The following LPIN2 variants were observed in gnomAD, a reference collection of about 807,000 sequenced individuals.
LPIN2 encodes the protein phosphatidate phosphatase LPIN2.
A neutral mutation model predicts 111.4 loss-of-function variants in LPIN2; 55 were observed. The ratio of observed to expected loss-of-function variants is 0.49; its 90% CI spans 0.40 to 0.62. The LOEUF (loss-of-function observed/expected upper bound fraction) is 0.62. Among genes scored for constraint, LPIN2 ranks in the 20% least tolerant of loss-of-function variants. The pLI is 0.00. For missense variants in LPIN2, 992 were observed against 1,112.1 expected, an observed-to-expected ratio of 0.89 and a Z score of 1.54; for synonymous variants, 425 against 414.0, an observed-to-expected ratio of 1.03 and a Z score of -0.32.
chr18:3,004,063 C>G (rs1048150065), intron 1 of LPIN2, among the ~76,000 whole-genome samples: 1 of 152,176 alleles, frequency 6.6e-6, no homozygotes. Flanking sequence ...ACAGTACCCT[C>G]AGGCTTACTA....
At chr18:3,001,659 C>CG (rs2078437364) in intron 1 of LPIN2, among the ~76,000 whole-genome samples, 1 of 151,932 alleles carries the variant, frequency 6.6e-6, no homozygotes, top group African/African-American at 2.4e-5. Context: ...AGCATGGAAT[C>CG]AAATCCCACA....
chr18:2,976,407 T>C (rs1177788190), intron 1 of LPIN2, among the ~76,000 whole-genome samples: 1 of 152,140 alleles, frequency 6.6e-6, no homozygotes, highest in Non-Finnish European at 1.5e-5. Flanking sequence ...GGTTGAAGGG[T>C]TTCTTATCAA....
Position 2,952,256 on chromosome 18 carries a change from G to A in LPIN2, c.289-900C>T, listed in dbSNP as rs144109018. On this transcript the variant is annotated intron_variant, in intron 3 of 19. Transcript: ENST00000677752. ...AGCCTGGCTAACATGGTGAAACCCT[G>A]TCTCTACTAAAAATACAAAATTAGC... Among the ~76,000 whole-genome samples the A allele has an allele frequency of 3.5e-3, 527 of 152,148 alleles. 3 individuals carry two copies. Among genetic ancestry groups the A allele is most frequent in the African/African-American group, 0.012 (505 of 41,528 alleles).
chr18:2,926,478 T>C (rs1315820558), intron 13 of LPIN2, among the ~76,000 whole-genome samples: 1 of 152,240 alleles, frequency 6.6e-6, no homozygotes, highest in Non-Finnish European at 1.5e-5. Context: ...GAAGCGTTCC[T>C]CACGGCCCCT....
In LPIN2 at chr18:2,921,513, A is replaced by C. The variant is rs761511706; in HGVS notation, c.2442+20T>G. The C allele has an allele frequency of 6.4e-7, 1 of 1,571,710 alleles. No homozygotes were observed. Among genetic ancestry groups the C allele is most frequent in the South Asian group, 1.1e-5 (1 of 90,250 alleles). On this transcript the variant is annotated intron_variant, in intron 18 of 19. Coordinates refer to ENST00000677752, the MANE Select transcript of LPIN2 (RefSeq NM_001375808.2). ...CTGAATTTCACCCACATCAGAACCC[A>C]GAGCCCAGGAGATACTCACATTTGG...
In LPIN2 at chr18:2,920,833, T is replaced by C; in HGVS notation, c.2491A>G (p.Thr831Ala). ...ATTAATTCACCCTTGGGGTTCACGG[T>C]GAATATTCTACAGTCTGGAACTCCA... is the stretch of plus-strand genomic sequence containing the variant. ...QVGVPDCRIF[T>A]VNPKGELIQE... The change falls in exon 19 of 20, where the codon ACC becomes GCC. Residue 831 changes from threonine to alanine, a missense_variant. Thr to Ala is a moderately conservative substitution (Grantham distance 58). Around this residue, in one of 4 missense-constraint regions of LPIN2, gnomAD observed 185 missense variants for 186.5 expected, o/e 0.99. Transcript: ENST00000677752. 6.2e-7 allele frequency: 1 copy of C among 1,614,168 alleles called. No homozygotes were observed. The highest frequency in any genetic ancestry group is 1.1e-5 in the South Asian group (1 of 91,088).
rs529617818 is a variant in LPIN2, at chr18:2,959,425, G to A, written c.192+1224C>T. Among the ~76,000 whole-genome samples, 3 of 152,154 alleles carry A rather than the reference G, an allele frequency of 2.0e-5. No individual in the cohort carries two copies. The East Asian group carries it at 5.8e-4, about 29-fold the overall frequency. On this transcript the variant is annotated intron_variant, in intron 2 of 19. Transcript: ENST00000677752. ...CAAAAAGCTGAAAATAAATGTTTTC[G>A]ACTTACACCAGTGGTCCTCTACCAC...
At chr18:2,946,226 G>A (rs1188761522) in intron 4 of LPIN2, 28 of 1,578,114 alleles carry the variant, frequency 1.8e-5, no homozygotes, top group East Asian at 6.7e-5. Context: ...TCTTTTTATC[G>A]CGTCTACTGT....
intron 1 of LPIN2, among the ~76,000 whole-genome samples, chr18:2,980,190 G>C (rs888641183): frequency 7.9e-5 from 12 of 152,164 alleles, no homozygotes; most frequent in African/African-American, 2.9e-4. Flanking sequence ...AAAGAAAGAG[G>C]AAATTCTTGC....
At chr18:3,007,198 T>C (rs764812972) in intron 1 of LPIN2, among the ~76,000 whole-genome samples, 51 of 152,102 alleles carry the variant, frequency 3.4e-4, no homozygotes, top group Non-Finnish European at 6.2e-4. Context: ...TGAGATGGAG[T>C]CTTGCTCTGT....
At chr18:2,934,188 A>G (rs1057249333) in intron 8 of LPIN2, among the ~76,000 whole-genome samples, 163 bp downstream of exon 8, 1 of 152,248 alleles carries the variant, frequency 6.6e-6, no homozygotes, top group African/African-American at 2.4e-5. Context: ...CTATATTGAA[A>G]TAAGACACGC....
intron 1 of LPIN2, among the ~76,000 whole-genome samples, chr18:3,001,362 A>G (rs2078432640): frequency 6.6e-6 from 1 of 152,192 alleles, no homozygotes; most frequent in Non-Finnish European, 1.5e-5. Context: ...GACTGGTACT[A>G]AGAAATGTAA....
intron 2 of LPIN2, among the ~76,000 whole-genome samples, chr18:2,960,174 A>ATGTATGTGTG (rs1555678514): frequency 2.2e-5 from 3 of 136,632 alleles, no homozygotes; most frequent in South Asian, 5.0e-4. Flanking sequence ...CGACTCAAAA[A>ATGTATGTGTG]TGTGTGTGTG....
At chr18:2,990,913 C>G (rs1477466462) in intron 1 of LPIN2, 1 of 548,478 alleles carries the variant, frequency 1.8e-6, no homozygotes, top group East Asian at 4.6e-5. Context: ...ATGATGCCAG[C>G]ACCCCACACG....
chr18:2,959,801 T>A (rs1214900240), intron 2 of LPIN2, among the ~76,000 whole-genome samples: 2 of 152,072 alleles, frequency 1.3e-5, no homozygotes. Context: ...CAACAGAATT[T>A]AGATTACAAA....
intron 7 of LPIN2, 66 bp from the exon 8 acceptor site, chr18:2,934,516 C>G: frequency 3.0e-6 from 3 of 996,932 alleles, no homozygotes; most frequent in South Asian, 1.3e-5. Flanking sequence ...GCAAAACACA[C>G]GCACGTTTGC....
intron 1 of LPIN2, chr18:2,967,176 G>A (rs575565681): frequency 2.0e-5 from 3 of 152,056 alleles, no homozygotes; most frequent in Non-Finnish European, 4.4e-5. Flanking sequence ...TGAGATAAGA[G>A]GTGTCTACTA....
At chr18:2,965,628 G>T (rs1410678918) in intron 1 of LPIN2, among the ~76,000 whole-genome samples, 1 of 151,372 alleles carries the variant, frequency 6.6e-6, no homozygotes, top group African/African-American at 2.4e-5. Context: ...TACTCGGGAG[G>T]CTGAGGCAGG....
In LPIN2 at chr18:3,009,277, T is replaced by C. The variant is rs572353640; in HGVS notation, c.-10+3810A>G. Reference sequence around the variant, plus strand: ...AGCCAGGTGTGGTGGCACGTGCCTGTAGTCCCAGCTACTCAGGAGGCTGAG... The same window carrying C: ...AGCCAGGTGTGGTGGCACGTGCCTGCAGTCCCAGCTACTCAGGAGGCTGAG... On this transcript the variant is annotated intron_variant, in intron 1 of 19. Transcript: ENST00000677752. Among the ~76,000 whole-genome samples the C allele has an allele frequency of 1.2e-3, 185 of 151,598 alleles. 2 individuals carry two copies. The highest frequency in any genetic ancestry group is 4.3e-3 in the African/African-American group (179 of 41,376).
Sources: allele counts gnomAD v4.1 joint callset (sites outside exome capture counted in the v4.1 genomes callset), GRCh38; gene constraint gnomAD v4.1.1; regional missense constraint gnomAD v4.1.1; transcripts MANE v1.5; gene names NCBI Gene and HGNC (gene_info 2026-07-23, HGNC 2026-07-21).